The following RYR3 variants were observed in gnomAD, a reference collection of about 807,000 sequenced individuals.
The protein encoded by RYR3 is brain ryanodine receptor-calcium release channel.
In RYR3, 207 loss-of-function variants were observed where a neutral mutation model predicts 584.3. That is an observed-to-expected ratio of 0.35 (90% CI 0.32 to 0.40). The LOEUF (loss-of-function observed/expected upper bound fraction) is 0.40, where lower values mean the gene tolerates loss of function less well. Among genes scored for constraint, RYR3 ranks in the 10% least tolerant of loss-of-function variants. The pLI is 1.00. For synonymous variants in RYR3, 2,416 were observed against 2,248.5 expected (o/e 1.07, Z -2.11); for missense variants, 5,616 against 6,089.2 (o/e 0.92, Z 2.59).
At chr15:33,313,525 C>T (rs1028785177) in intron 1 of RYR3, among the ~76,000 whole-genome samples, 10 of 152,174 alleles carry the variant, frequency 6.6e-5, no homozygotes, top group African/African-American at 2.4e-4. Context: ...TAGTTGGGAA[C>T]ACCAGGCTTG....
intron 38 of RYR3, among the ~76,000 whole-genome samples, chr15:33,682,359 T>C (rs545690750): frequency 6.6e-6 from 1 of 152,276 alleles, no homozygotes; most frequent in South Asian, 2.1e-4. Context: ...GAGTAGGTTT[T>C]TTTTTTTCCT....
At chr15:33,695,432 T>C (rs2065770292) in intron 38 of RYR3, among the ~76,000 whole-genome samples, 1 of 148,116 alleles carries the variant, frequency 6.8e-6, no homozygotes, top group African/African-American at 2.6e-5. Context: ...CAGTAAAATT[T>C]CCGTAAAACC....
intron 86 of RYR3, among the ~76,000 whole-genome samples, chr15:33,834,256 C>T (rs1685576245): frequency 6.7e-6 from 1 of 149,894 alleles, no homozygotes. Context: ...TGCACTCCAG[C>T]ATGGGTGACA....
At chr15:33,836,000 G>A (rs1437557530) in intron 87 of RYR3, among the ~76,000 whole-genome samples, 1 of 152,080 alleles carries the variant, frequency 6.6e-6, no homozygotes, top group African/African-American at 2.4e-5. Context: ...TCACAGCTCT[G>A]ATATCCTACA....
intron 1 of RYR3, among the ~76,000 whole-genome samples, chr15:33,375,537 C>T (rs1423982446): frequency 6.6e-6 from 1 of 152,182 alleles, no homozygotes; most frequent in African/African-American, 2.4e-5. Flanking sequence ...GCTCCAGACT[C>T]AAACATGAGA....
intron 42 of RYR3, among the ~76,000 whole-genome samples, chr15:33,701,650 A>G: frequency 6.6e-6 from 1 of 150,908 alleles, no homozygotes; most frequent in Middle Eastern, 3.4e-3. Flanking sequence ...CTGGAGGGGG[A>G]GGGGGGTGGA....
At chr15:33,521,700 C>G (rs1030679816) in intron 3 of RYR3, among the ~76,000 whole-genome samples, 6 of 152,052 alleles carry the variant, frequency 3.9e-5, no homozygotes, top group African/African-American at 1.4e-4. Flanking sequence ...AGGTGGGGCT[C>G]CCTGGAGTCA....
chr15:33,480,979 T>C (rs2049911294), intron 2 of RYR3, among the ~76,000 whole-genome samples: 1 of 152,228 alleles, frequency 6.6e-6, no homozygotes, highest in South Asian at 2.1e-4. Context: ...GTCACTTTTG[T>C]TTCATGTATG....
chr15:33,335,069 C>T (rs771269179), intron 1 of RYR3, among the ~76,000 whole-genome samples: 5 of 152,198 alleles, frequency 3.3e-5, no homozygotes, highest in Non-Finnish European at 5.9e-5. Flanking sequence ...AACACTTTTA[C>T]ATTGCTGTTG....
intron 7 of RYR3, among the ~76,000 whole-genome samples, chr15:33,542,762 G>T (rs1385512961): frequency 2.0e-5 from 3 of 152,028 alleles, no homozygotes; most frequent in Admixed American, 2.0e-4. Flanking sequence ...CAGACATTGG[G>T]TATATTAAGT....
chr15:33,477,877 GAAAAAAAAAAAAAA>G (rs58200056), intron 2 of RYR3, among the ~76,000 whole-genome samples: 13 of 62,616 alleles, frequency 2.1e-4, no homozygotes, highest in African/African-American at 7.9e-4. Context: ...TCTGTCTCAA[GAAAAAAAAAAAAAA>G]AAAAAAAAAA....
At chr15:33,643,710 G>A (rs2061953222) in intron 27 of RYR3, among the ~76,000 whole-genome samples, 4 of 152,210 alleles carry the variant, frequency 2.6e-5, no homozygotes, top group Middle Eastern at 3.4e-3. Flanking sequence ...CAGAAAAGTC[G>A]GGCAACTTGC....
intron 10 of RYR3, among the ~76,000 whole-genome samples, chr15:33,551,035 T>G (rs2056637436): frequency 1.3e-5 from 2 of 152,218 alleles, no homozygotes; most frequent in South Asian, 4.1e-4. Flanking sequence ...TATTCTTTTT[T>G]AGAAACCGCC....
At chr15:33,517,123 C>T (rs549302174) in intron 3 of RYR3, among the ~76,000 whole-genome samples, 50 of 152,144 alleles carry the variant, frequency 3.3e-4, no homozygotes, top group African/African-American at 1.1e-3. Context: ...GCCTCCCAAC[C>T]AGCTGGGATT....
At chr15:33,853,792 G>T in intron 96 of RYR3, 110 bp downstream of exon 96, 1 of 1,405,932 alleles carries the variant, frequency 7.1e-7, no homozygotes, top group Non-Finnish European at 9.5e-7. Context: ...CTGTGGTCTG[G>T]CTTAGGTGTT....
chr15:33,427,820 G>A (rs1476924861), intron 1 of RYR3, among the ~76,000 whole-genome samples: 1 of 152,196 alleles, frequency 6.6e-6, no homozygotes, highest in Non-Finnish European at 1.5e-5. Flanking sequence ...GAGCCTCATG[G>A]CTGTATCTCT....
intron 100 of RYR3, among the ~76,000 whole-genome samples, chr15:33,860,361 C>T (rs1887720944): frequency 6.6e-6 from 1 of 152,080 alleles, no homozygotes; most frequent in Admixed American, 6.5e-5. Flanking sequence ...GAAAGAGTTT[C>T]AGGGAGGAGC....
intron 10 of RYR3, among the ~76,000 whole-genome samples, chr15:33,554,153 C>T (rs1243337111): frequency 1.3e-5 from 2 of 152,154 alleles, no homozygotes; most frequent in Non-Finnish European, 2.9e-5. Flanking sequence ...TGACAAGGAC[C>T]ACACATACCC....
intron 71 of RYR3, 111 bp downstream of exon 71, chr15:33,810,760 C>G: frequency 7.3e-7 from 1 of 1,372,504 alleles, no homozygotes; most frequent in Admixed American, 2.0e-5. Flanking sequence ...AGCAGATGCG[C>G]AGAAACCAGT....
Sources: allele counts gnomAD v4.1 joint callset (sites outside exome capture counted in the v4.1 genomes callset), GRCh38; gene constraint gnomAD v4.1.1; transcripts MANE v1.5; gene names NCBI Gene and HGNC (gene_info 2026-07-23, HGNC 2026-07-21).